RBFOX1: variants seen among roughly 807,000 people sequenced by gnomAD.
The protein encoded by RBFOX1 is RNA binding fox-1 homolog 1.
RBFOX1 carries 8 observed loss-of-function variants against 57.7 expected under a neutral mutation model. The ratio of observed to expected loss-of-function variants is 0.14; its 90% confidence interval spans 0.08 to 0.25. The LOEUF (loss-of-function observed/expected upper bound fraction) is 0.25, where lower values mean the gene tolerates loss of function less well. Ranked by LOEUF, RBFOX1 falls within the 10% of genes least tolerant of loss-of-function variation. The pLI is 1.00. For synonymous variants in RBFOX1, 326 were observed against 222.4 expected, an observed-to-expected ratio of 1.47 and a Z score of -4.15; for missense variants, 611 against 548.5, an observed-to-expected ratio of 1.11 and a Z score of -1.14.
chr16:5,313,189 T>A (rs1027982661), intron 1 of RBFOX1, among the ~76,000 whole-genome samples: 1 of 152,212 alleles, frequency 6.6e-6, no homozygotes, highest in African/African-American at 2.4e-5. Context: ...CTCAAAGTCA[T>A]GCACAGCCTG....
At chr16:5,458,299 T>C (rs1162536794) in intron 1 of RBFOX1, among the ~76,000 whole-genome samples, 1 of 152,002 alleles carries the variant, frequency 6.6e-6, no homozygotes. Context: ...GATGAATCAA[T>C]GATTTATTAG....
chr16:6,680,802 T>A (rs927591822), intron 3 of RBFOX1, among the ~76,000 whole-genome samples: 2 of 152,190 alleles, frequency 1.3e-5, no homozygotes, highest in African/African-American at 2.4e-5. Flanking sequence ...AACCATTTTT[T>A]AAATAAATGT....
chr16:7,374,078 C>G (rs562464247), intron 4 of RBFOX1, among the ~76,000 whole-genome samples: 2 of 152,302 alleles, frequency 1.3e-5, no homozygotes, highest in South Asian at 4.1e-4. Flanking sequence ...GACCCAGATA[C>G]AGCGTGAGCT....
At chr16:7,054,776 C>T (rs754947637) in intron 4 of RBFOX1, among the ~76,000 whole-genome samples, 6 of 152,176 alleles carry the variant, frequency 3.9e-5, no homozygotes, top group Non-Finnish European at 8.8e-5. Context: ...GATTTGCTAT[C>T]CAGGATGACT....
intron 4 of RBFOX1, among the ~76,000 whole-genome samples, chr16:7,276,691 C>T (rs2095446837): frequency 6.6e-6 from 1 of 152,186 alleles, no homozygotes; most frequent in African/African-American, 2.4e-5. Context: ...TTATTCTGCA[C>T]TGAGTTATGT....
chr16:6,764,287 C>T (rs1049053643), intron 3 of RBFOX1, among the ~76,000 whole-genome samples: 2 of 152,180 alleles, frequency 1.3e-5, no homozygotes, highest in Admixed American at 1.3e-4. Flanking sequence ...TTTGCTCAAT[C>T]TGTGCACAAA....
At chr16:5,883,991 G>T (rs1402614289) in intron 4 of RBFOX1, among the ~76,000 whole-genome samples, 1 of 152,194 alleles carries the variant, frequency 6.6e-6, no homozygotes, top group Admixed American at 6.5e-5. Context: ...AGATCCCATT[G>T]ACTTGGATGT....
intron 3 of RBFOX1, among the ~76,000 whole-genome samples, chr16:6,810,960 G>A (rs1399633839): frequency 6.6e-6 from 1 of 152,140 alleles, no homozygotes; most frequent in Non-Finnish European, 1.5e-5. Flanking sequence ...ACACGTAACA[G>A]ATATTTCACT....
chr16:5,844,934 G>A (rs1346330866), intron 3 of RBFOX1, among the ~76,000 whole-genome samples: 1 of 152,092 alleles, frequency 6.6e-6, no homozygotes, highest in Non-Finnish European at 1.5e-5. Context: ...TATTTGCAGA[G>A]AATTGGGTTT....
chr16:7,086,083 G>T (rs1006312010), intron 4 of RBFOX1, among the ~76,000 whole-genome samples: 3 of 152,096 alleles, frequency 2.0e-5, no homozygotes, highest in African/African-American at 4.8e-5. Context: ...GGCATGGCTT[G>T]GTGGTGATTC....
At chr16:7,650,287 G>A (rs1422272754) in intron 11 of RBFOX1, among the ~76,000 whole-genome samples, 1 of 149,550 alleles carries the variant, frequency 6.7e-6, no homozygotes. Flanking sequence ...GAAGCCTCTG[G>A]CCCAAAGCAT....
chr16:5,944,415 A>T (rs889456905), intron 4 of RBFOX1, among the ~76,000 whole-genome samples: 1 of 152,156 alleles, frequency 6.6e-6, no homozygotes, highest in Non-Finnish European at 1.5e-5. Context: ...GACTGCTCTT[A>T]TCATAGAATA....
At chr16:6,661,260 G>T (rs1308316907) in intron 3 of RBFOX1, among the ~76,000 whole-genome samples, 2 of 152,180 alleles carry the variant, frequency 1.3e-5, no homozygotes, top group Admixed American at 1.3e-4. Flanking sequence ...ACTCTCAGTG[G>T]GTTAGAAAGA....
At chr16:5,291,261 G>GTT (rs71142610) in intron 1 of RBFOX1, among the ~76,000 whole-genome samples, 3,745 of 118,778 alleles carry the variant, frequency 0.032, 254 homozygotes, top group African/African-American at 0.087. Flanking sequence ...TTTATCATTG[G>GTT]TTTTTTTTTT....
At chr16:6,773,523 T>C (rs149186375) in intron 3 of RBFOX1, among the ~76,000 whole-genome samples, 1 of 123,698 alleles carries the variant, frequency 8.1e-6, no homozygotes, top group Admixed American at 8.4e-5. Context: ...TAGGAGTTGG[T>C]TGCATTTGTG....
chr16:6,164,136 C>T (rs1016770103), intron 1 of RBFOX1, among the ~76,000 whole-genome samples: 11 of 152,240 alleles, frequency 7.2e-5, no homozygotes, highest in South Asian at 6.2e-4. Context: ...TGTGACCATA[C>T]GTTTTGTAAC....
intron 3 of RBFOX1, among the ~76,000 whole-genome samples, chr16:7,020,514 C>G (rs548933044): frequency 2.0e-5 from 3 of 152,108 alleles, no homozygotes; most frequent in African/African-American, 7.2e-5. Flanking sequence ...CCACCGCGCC[C>G]AGCCAATCTA....
intron 14 of RBFOX1, among the ~76,000 whole-genome samples, chr16:7,679,186 G>A (rs531228442): frequency 4.7e-4 from 71 of 152,276 alleles, no homozygotes; most frequent in African/African-American, 1.7e-3. Context: ...CCTTTTATCT[G>A]TAATAAGCAG....
intron 4 of RBFOX1, among the ~76,000 whole-genome samples, chr16:5,999,697 TA>T (rs2060554643): frequency 6.6e-6 from 1 of 151,172 alleles, no homozygotes; most frequent in Non-Finnish European, 1.5e-5. Flanking sequence ...GTGTCTCTAC[TA>T]AAAATACAAA....
Sources: gnomAD v4.1 joint callset for allele counts (sites outside exome capture counted in the v4.1 genomes callset) on GRCh38, gnomAD v4.1.1 for gene constraint, MANE v1.5 for transcripts, NCBI Gene and HGNC (gene_info 2026-07-23, HGNC 2026-07-21) for gene names.